The following FREM1 variants were observed in gnomAD, a reference collection of about 807,000 sequenced individuals.
FREM1 encodes FRAS1 related extracellular matrix 1, also known as FRAS1-related extracellular matrix protein 1.
A neutral mutation model predicts 210.1 loss-of-function variants in FREM1; 220 were observed. The observed-to-expected ratio is 1.05, with a 90% CI of 0.94 to 1.17. The LOEUF (loss-of-function observed/expected upper bound fraction) is 1.17, where lower values mean the gene tolerates loss of function less well. Ranked by LOEUF, FREM1 falls within the 50% of genes most tolerant of loss-of-function variation. FREM1 has a pLI of 0.00. For synonymous variants in FREM1, 1,189 were observed against 980.2 expected, an observed-to-expected ratio of 1.21 and a Z score of -3.98; for missense variants, 3,454 against 2,675.5, an observed-to-expected ratio of 1.29 and a Z score of -6.42.
chr9:14,746,476 A>T lies in FREM1; in HGVS notation c.6139-8T>A. On this transcript the variant is annotated splice_region_variant and splice_polypyrimidine_tract_variant and intron_variant, in intron 34 of 36. Transcript: ENST00000380880. The stretch of plus-strand genomic sequence containing the variant: ...GGATTTGTCTTCCACATCCTGAAAA[A>T]CAGTTGTCTGTGTTCATATCATAAT... The T allele has an allele frequency of 6.2e-7, 1 of 1,604,706 alleles. No individual in the cohort carries two copies. Among genetic ancestry groups the T allele is most frequent in the Non-Finnish European group, 8.5e-7 (1 of 1,171,628 alleles).
At chr9:14,876,805 C>T (rs865956709) in intron 1 of FREM1, among the ~76,000 whole-genome samples, 3 of 152,324 alleles carry the variant, frequency 2.0e-5, no homozygotes, top group South Asian at 2.1e-4. Context: ...GGAGCTGTTC[C>T]TATTCAGCCA....
intron 27 of FREM1, among the ~76,000 whole-genome samples, chr9:14,764,251 G>A (rs987084569): frequency 2.0e-5 from 3 of 152,118 alleles, no homozygotes; most frequent in Admixed American, 2.0e-4. Context: ...TTGAAACTAT[G>A]AGTTCATTAA....
chr9:14,799,665 A>T (rs1006268614), intron 20 of FREM1, among the ~76,000 whole-genome samples: 4 of 152,160 alleles, frequency 2.6e-5, no homozygotes, highest in African/African-American at 7.2e-5. Flanking sequence ...TTTGAAAAAA[A>T]AATTTTAAAC....
intron 1 of FREM1, among the ~76,000 whole-genome samples, chr9:14,901,727 T>C (rs987024873): frequency 1.3e-5 from 2 of 152,224 alleles, no homozygotes; most frequent in Admixed American, 6.5e-5. Context: ...TTGAACACTT[T>C]AGTGTCTGCA....
rs16932282 is a variant in FREM1 at position 14,788,888 on chromosome 9, T to C, written c.4177+31A>G. On this transcript the variant is annotated intron_variant, in intron 23 of 36. Transcript: ENST00000380880. ...TACTTATACCAGTTAGCAAAGTTGA[T>C]CCCAGTAAACCTTGGTAGACGTGCT... 0.1 allele frequency: 160,318 copies of C among 1,567,842 alleles called. 10,128 individuals are homozygous for C. The highest frequency in any genetic ancestry group is 0.3 in the East Asian group (13,101 of 43,886).
intron 31 of FREM1, among the ~76,000 whole-genome samples, chr9:14,748,086 C>G (rs1842777190): frequency 6.6e-6 from 1 of 152,178 alleles, no homozygotes; most frequent in African/African-American, 2.4e-5. Flanking sequence ...GGCTTCCACA[C>G]CCAATCGCAT....
At position 14,863,838 on chromosome 9, in the gene FREM1, A is replaced by G; in HGVS notation, c.300T>C (p.Asp100=). The change falls in exon 3 of 37, where the codon GAT becomes GAC. Residue 100 remains aspartate, a synonymous_variant. Transcript: ENST00000380880. ...AAAGTCTGAGCTTCACTGTGTCTTC[A>G]TCAAGAATTGGACAACCATTGTGAA... ...KYVHNGCPIL[D]EDTVKLRLYR... is the part of the protein sequence containing the mutation. 1 of 1,613,262 alleles carries G rather than the reference A, an allele frequency of 6.2e-7. No homozygotes were observed. The highest frequency in any genetic ancestry group is 8.5e-7 in the Non-Finnish European group (1 of 1,179,250).
At chr9:14,875,553 G>A (rs906712071) in intron 1 of FREM1, among the ~76,000 whole-genome samples, 14 of 152,036 alleles carry the variant, frequency 9.2e-5, no homozygotes, top group African/African-American at 3.4e-4. Context: ...TCTCTGTATT[G>A]GTTATTCTAG....
chr9:14,807,457 T>A (rs1818579013), intron 17 of FREM1, among the ~76,000 whole-genome samples: 1 of 152,140 alleles, frequency 6.6e-6, no homozygotes, highest in South Asian at 2.1e-4. Context: ...AGACAGAACA[T>A]ATACATAATG....
intron 27 of FREM1, among the ~76,000 whole-genome samples, chr9:14,764,169 T>G (rs1268468299): frequency 1.3e-5 from 2 of 152,224 alleles, no homozygotes; most frequent in Admixed American, 1.3e-4. Flanking sequence ...TTGGCTCTCA[T>G]TCTCTCTTGC....
intron 10 of FREM1, among the ~76,000 whole-genome samples, chr9:14,829,496 A>G (rs540455957): frequency 6.6e-6 from 1 of 152,258 alleles, no homozygotes; most frequent in South Asian, 2.1e-4. Context: ...GGAGGGGCCC[A>G]ATGGTGTTTA....
intron 5 of FREM1, among the ~76,000 whole-genome samples, chr9:14,855,094 G>C (rs758962127): frequency 1.3e-4 from 20 of 151,828 alleles, no homozygotes; most frequent in Non-Finnish European, 2.7e-4. Context: ...ACTAAGTCTA[G>C]GTGATAATGG....
chr9:14,775,661 T>C (rs897240471), intron 25 of FREM1, 128 bp downstream of exon 25: 56 of 620,108 alleles, frequency 9.0e-5, no homozygotes, highest in Non-Finnish European at 1.4e-4. Flanking sequence ...TGAGCCAAGA[T>C]CACGCCACTG....
At chr9:14,881,741 A>G (rs1834826789) in intron 1 of FREM1, among the ~76,000 whole-genome samples, 1 of 152,210 alleles carries the variant, frequency 6.6e-6, no homozygotes, top group African/African-American at 2.4e-5. Context: ...GTATATAGTC[A>G]CCCAGAACAA....
intron 1 of FREM1, among the ~76,000 whole-genome samples, chr9:14,875,342 A>C (rs536772635): frequency 2.8e-4 from 42 of 152,310 alleles, no homozygotes; most frequent in South Asian, 6.2e-4. Flanking sequence ...CTTTTCACAT[A>C]GTCCCATATT....
At chr9:14,812,033 G>A (rs903024810) in intron 16 of FREM1, among the ~76,000 whole-genome samples, 1 of 152,140 alleles carries the variant, frequency 6.6e-6, no homozygotes, top group African/African-American at 2.4e-5. Context: ...TGTGCAAGGT[G>A]AGATGATGTG....
In FREM1 at chr9:14,845,842, T is replaced by G. The variant is rs78730172; in HGVS notation, c.1393+118A>C. 4.3e-4 allele frequency: 442 copies of G among 1,031,628 alleles called. 5 individuals are homozygous for G. In the East Asian group the frequency reaches 0.012, roughly 27 times the overall value. The allele number at this position is 1,031,628 out of a possible 1,614,324, so 63.9% of individuals were successfully genotyped here. On this transcript the variant is annotated intron_variant, in intron 8 of 36. Transcript: ENST00000380880. Reference sequence around the variant, plus strand: ...TTCAAGATCTCCAGATTTTCTGCATTTGACAATTTCATTGAGAAATTGGGC... The same window carrying G: ...TTCAAGATCTCCAGATTTTCTGCATGTGACAATTTCATTGAGAAATTGGGC...
intron 1 of FREM1, among the ~76,000 whole-genome samples, chr9:14,907,192 G>C (rs1431586356): frequency 2.9e-5 from 4 of 135,852 alleles, no homozygotes; most frequent in Non-Finnish European, 1.6e-5. Flanking sequence ...ATTATCTTCA[G>C]ACAGCTAGAG....
chr9:14,834,397 G>A (rs1448111949), intron 10 of FREM1, among the ~76,000 whole-genome samples: 1 of 152,144 alleles, frequency 6.6e-6, no homozygotes, highest in East Asian at 1.9e-4. Context: ...ACACTACTCT[G>A]TCCTTTAGTA....
Sources: allele counts gnomAD v4.1 joint callset (sites outside exome capture counted in the v4.1 genomes callset), GRCh38; gene constraint gnomAD v4.1.1; transcripts MANE v1.5; gene names NCBI Gene and HGNC (gene_info 2026-07-23, HGNC 2026-07-21).